The following CNTN4 variants were observed in gnomAD, a reference collection of about 807,000 sequenced individuals.
CNTN4 encodes the protein contactin 4.
CNTN4 carries 77 observed loss-of-function variants against 122.5 expected under a neutral mutation model. The ratio of observed to expected loss-of-function variants is 0.63; its 90% CI spans 0.52 to 0.76. The LOEUF (loss-of-function observed/expected upper bound fraction) is 0.76, where lower values mean the gene tolerates loss of function less well. Among genes scored for constraint, CNTN4 ranks in the 30% least tolerant of loss-of-function variants. The probability of loss-of-function intolerance (pLI) is 0.00; values close to 1 mark genes in which losing one functional copy is unlikely to be tolerated. For missense variants in CNTN4, 1,256 were observed against 1,259.1 expected (o/e 1.00, Z 0.04); for synonymous variants, 512 against 447.0 (o/e 1.15, Z -1.83).
chr3:3,025,070 T>C (rs1186816430), intron 14 of CNTN4, among the ~76,000 whole-genome samples: 1 of 152,212 alleles, frequency 6.6e-6, no homozygotes, highest in African/African-American at 2.4e-5. Flanking sequence ...ATGCGGCCTT[T>C]ACATTGAATT....
Position 2,839,800 on chromosome 3 carries a change from C to G in CNTN4, c.454+20219C>G, listed in dbSNP as rs1178293258. The stretch of plus-strand genomic sequence containing the variant: ...CATGGGTTACACTTGACATCTCATT[C>G]ACTTACAGACCGAGCACAGTGTATG... On this transcript the variant is annotated intron_variant, in intron 7 of 24. Coordinates refer to ENST00000418658, the MANE Select transcript of CNTN4 (RefSeq NM_175607.3). Among the ~76,000 whole-genome samples the G allele has an allele frequency of 2.0e-5, 3 of 152,176 alleles. No individual in the cohort carries two copies. In the South Asian group the frequency reaches 6.2e-4, roughly 32 times the overall value.
chr3:3,010,556 G>T (rs1357446909), intron 14 of CNTN4, among the ~76,000 whole-genome samples: 1 of 151,936 alleles, frequency 6.6e-6, no homozygotes, highest in Admixed American at 6.6e-5. Flanking sequence ...ACGAAGAAAT[G>T]GATAATTTAA....
At chr3:2,285,025 G>A (rs759453235) in intron 2 of CNTN4, among the ~76,000 whole-genome samples, 9 of 151,778 alleles carry the variant, frequency 5.9e-5, no homozygotes, top group Non-Finnish European at 1.0e-4. Flanking sequence ...AATAAGATAC[G>A]TTTTTATTAA....
intron 3 of CNTN4, among the ~76,000 whole-genome samples, chr3:2,522,135 C>A (rs1419115778): frequency 6.9e-6 from 1 of 145,196 alleles, no homozygotes; most frequent in African/African-American, 2.6e-5. Flanking sequence ...TGGCATGTGG[C>A]CTGCCTAAGC....
chr3:2,544,242 T>C (rs1224481467), intron 3 of CNTN4, among the ~76,000 whole-genome samples: 1 of 152,092 alleles, frequency 6.6e-6, no homozygotes, highest in Non-Finnish European at 1.5e-5. Context: ...TTAAGTATTT[T>C]GGTAAATGAT....
intron 6 of CNTN4, among the ~76,000 whole-genome samples, chr3:2,766,771 G>A (rs761525984): frequency 6.6e-6 from 1 of 152,152 alleles, no homozygotes; most frequent in Non-Finnish European, 1.5e-5. Flanking sequence ...TTCAGGAGAT[G>A]CAATAGTAGC....
At chr3:2,913,401 A>G (rs2094321926) in intron 12 of CNTN4, among the ~76,000 whole-genome samples, 1 of 152,198 alleles carries the variant, frequency 6.6e-6, no homozygotes. Flanking sequence ...ATCTAACTAT[A>G]TGCTCTCTGT....
chr3:2,943,333 C>T (rs896431664), intron 13 of CNTN4, among the ~76,000 whole-genome samples: 5 of 152,160 alleles, frequency 3.3e-5, no homozygotes, highest in African/African-American at 1.2e-4. Flanking sequence ...CCAGCTATCC[C>T]AATATAGCAT....
intron 3 of CNTN4, among the ~76,000 whole-genome samples, chr3:2,519,652 A>G (rs1380975578): frequency 2.0e-5 from 3 of 152,230 alleles, no homozygotes; most frequent in African/African-American, 7.2e-5. Context: ...GGGAGTCCAC[A>G]GGGTCTGTAA....
chr3:2,252,865 T>C (rs574325266), intron 2 of CNTN4, among the ~76,000 whole-genome samples: 1 of 152,274 alleles, frequency 6.6e-6, no homozygotes, highest in East Asian at 1.9e-4. Context: ...AATTGTTTAA[T>C]ACTTCTTTGC....
At chr3:2,439,417 TA>T (rs1482407579) in intron 3 of CNTN4, among the ~76,000 whole-genome samples, 2 of 152,218 alleles carry the variant, frequency 1.3e-5, no homozygotes, top group Non-Finnish European at 2.9e-5. Flanking sequence ...TATTTTTTTT[TA>T]CTTGGTATCA....
At chr3:2,358,977 C>T (rs1396536278) in intron 3 of CNTN4, among the ~76,000 whole-genome samples, 1 of 152,138 alleles carries the variant, frequency 6.6e-6, no homozygotes, top group Non-Finnish European at 1.5e-5. Flanking sequence ...TCCTGGCCTC[C>T]AGTTGTGGTT....
chr3:2,642,231 G>A (rs1351710959), intron 4 of CNTN4, among the ~76,000 whole-genome samples: 1 of 152,178 alleles, frequency 6.6e-6, no homozygotes, highest in East Asian at 1.9e-4. Flanking sequence ...CAGGAAGCAT[G>A]CAGCATGGAA....
chr3:2,116,927 A>G (rs2033394190), intron 2 of CNTN4, among the ~76,000 whole-genome samples: 1 of 151,884 alleles, frequency 6.6e-6, no homozygotes, highest in African/African-American at 2.4e-5. Context: ...TCTCTCACTC[A>G]AAAACAATCA....
At chr3:2,902,636 G>A (rs1482814754) in intron 11 of CNTN4, among the ~76,000 whole-genome samples, 1 of 152,154 alleles carries the variant, frequency 6.6e-6, no homozygotes, top group Non-Finnish European at 1.5e-5. Context: ...TTAAATCAAT[G>A]AGAACTCAAG....
intron 4 of CNTN4, among the ~76,000 whole-genome samples, chr3:2,592,619 A>G (rs191361133): frequency 1.3e-5 from 2 of 152,130 alleles, no homozygotes; most frequent in East Asian, 3.9e-4. Flanking sequence ...ACATCCATGT[A>G]AGACAGAACT....
At chr3:2,997,897 T>G (rs1695670685) in intron 14 of CNTN4, among the ~76,000 whole-genome samples, 1 of 152,190 alleles carries the variant, frequency 6.6e-6, no homozygotes, top group East Asian at 1.9e-4. Flanking sequence ...ATTAGCAACA[T>G]TGCTTTGAAG....
chr3:2,624,863 G>T (rs1262009823), intron 4 of CNTN4, among the ~76,000 whole-genome samples: 1 of 151,628 alleles, frequency 6.6e-6, no homozygotes, highest in African/African-American at 2.4e-5. Flanking sequence ...CGAACTCCTG[G>T]CCTCAATGAT....
At chr3:2,992,267 T>C (rs1380393499) in intron 14 of CNTN4, among the ~76,000 whole-genome samples, 1 of 152,212 alleles carries the variant, frequency 6.6e-6, no homozygotes, top group Admixed American at 6.5e-5. Context: ...TATCATCCCA[T>C]CATCTGAATT....
Sources: allele counts gnomAD v4.1 joint callset (sites outside exome capture counted in the v4.1 genomes callset), GRCh38; gene constraint gnomAD v4.1.1; transcripts MANE v1.5; gene names NCBI Gene and HGNC (gene_info 2026-07-23, HGNC 2026-07-21).